Variants in BCAS3 observed in about 807,000 individuals in gnomAD.
The protein encoded by BCAS3 is BCAS4/BCAS3 fusion.
A neutral mutation model predicts 116.1 loss-of-function variants in BCAS3; 53 were observed. The ratio of observed to expected loss-of-function variants is 0.46; its 90% CI spans 0.37 to 0.57. The LOEUF (loss-of-function observed/expected upper bound fraction) is 0.57, where lower values mean the gene tolerates loss of function less well. Ranked by LOEUF, BCAS3 falls within the 20% of genes least tolerant of loss-of-function variation. The pLI is 0.00. For synonymous variants in BCAS3, 391 were observed against 408.2 expected (o/e 0.96, Z 0.51); for missense variants, 917 against 1,165.4 (o/e 0.79, Z 3.10).
chr17:60,915,660 G>A (rs1443281122), intron 12 of BCAS3, among the ~76,000 whole-genome samples: 1 of 140,964 alleles, frequency 7.1e-6, no homozygotes, highest in Non-Finnish European at 1.5e-5. Context: ...TCAGGTTGCA[G>A]CATGTAGTTC....
intron 22 of BCAS3, among the ~76,000 whole-genome samples, chr17:61,172,494 G>A (rs1338962010): frequency 1.3e-5 from 2 of 150,840 alleles, no homozygotes; most frequent in African/African-American, 4.9e-5. Context: ...ATAATTAGCC[G>A]GGCTTAGTGG....
intron 22 of BCAS3, among the ~76,000 whole-genome samples, chr17:61,192,838 T>C (rs1190158120): frequency 3.9e-5 from 6 of 152,358 alleles, no homozygotes; most frequent in Non-Finnish European, 7.3e-5. Context: ...CATATTATAA[T>C]TTACTTACAT....
In BCAS3 at chr17:61,161,772, G is replaced by A. The variant is rs1046749396; in HGVS notation, c.2425+77208G>A. On this transcript the variant is annotated intron_variant, in intron 22 of 23. Transcript: ENST00000407086. The surrounding 1 kb of genome is among the most constrained non-coding windows in gnomAD (Gnocchi z 4.8). ...CCAGTTTCATGGTGCCTGAGTTGCT[G>A]TCTGGTTGGTTGAACTCATTCTCCT... Among the ~76,000 whole-genome samples, 11 of 152,114 alleles carry A rather than the reference G, an allele frequency of 7.2e-5. No homozygotes were observed. Among genetic ancestry groups the A allele is most frequent in the Non-Finnish European group, 2.9e-5 (2 of 68,042 alleles).
intron 22 of BCAS3, among the ~76,000 whole-genome samples, chr17:61,304,278 A>G (rs1313960213): frequency 6.6e-6 from 1 of 152,090 alleles, no homozygotes; most frequent in Non-Finnish European, 1.5e-5. Context: ...CTACCCATCT[A>G]AAGTTGTTGA....
At chr17:61,201,290 G>A (rs1214976230) in intron 22 of BCAS3, among the ~76,000 whole-genome samples, 1 of 152,200 alleles carries the variant, frequency 6.6e-6, no homozygotes, top group African/African-American at 2.4e-5. Flanking sequence ...ACTCACAAGA[G>A]CACTGAAGTG....
chr17:61,231,975 G>C (rs1406259557), intron 22 of BCAS3, among the ~76,000 whole-genome samples: 1 of 151,338 alleles, frequency 6.6e-6, no homozygotes, highest in Non-Finnish European at 1.5e-5. Context: ...GGGAGGCCGA[G>C]GGGGGTGGAT....
At chr17:61,272,561 C>G (rs982934533) in intron 22 of BCAS3, among the ~76,000 whole-genome samples, 1 of 141,434 alleles carries the variant, frequency 7.1e-6, no homozygotes, top group African/African-American at 2.7e-5. Context: ...ATTGCTTGAG[C>G]CCAGGAGGTC....
intron 22 of BCAS3, among the ~76,000 whole-genome samples, chr17:61,240,479 C>T (rs2047416463): frequency 6.6e-6 from 1 of 151,970 alleles, no homozygotes; most frequent in Non-Finnish European, 1.5e-5. Flanking sequence ...GGTGAAACCC[C>T]ATCTCTACTA....
chr17:60,896,235 G>T (rs1046200255), intron 10 of BCAS3, among the ~76,000 whole-genome samples: 8 of 152,202 alleles, frequency 5.3e-5, no homozygotes, highest in African/African-American at 1.9e-4. Flanking sequence ...TAAGGCAAGA[G>T]AACCATTTGG....
At chr17:60,773,287 CTTTTTT>C (rs1210680882) in intron 6 of BCAS3, among the ~76,000 whole-genome samples, 2 of 91,998 alleles carry the variant, frequency 2.2e-5, no homozygotes, top group African/African-American at 9.5e-5. Context: ...TCTTCAGGTC[CTTTTTT>C]TTTTTTTTTT....
Position 61,363,350 on chromosome 17 carries a change from A to C in BCAS3, c.2426-4977A>C, listed in dbSNP as rs1254710016. Reference sequence around the variant, plus strand: ...GTCTTTATACCTTCGGTAGTTGAGCAGGTAAGACTTGAACTCATTCTTAGA... The same window carrying C: ...GTCTTTATACCTTCGGTAGTTGAGCCGGTAAGACTTGAACTCATTCTTAGA... On this transcript the variant is annotated intron_variant, in intron 22 of 23. Transcript: ENST00000407086. This position sits in a 1 kb window ranked among gnomAD's most constrained non-coding sequence, Gnocchi z 4.9. Among the ~76,000 whole-genome samples, 1 of 152,198 alleles carries C rather than the reference A, an allele frequency of 6.6e-6. No homozygotes were observed. The highest frequency in any genetic ancestry group is 1.5e-5 in the Non-Finnish European group (1 of 68,026).
At chr17:61,288,957 T>C (rs1360266335) in intron 22 of BCAS3, among the ~76,000 whole-genome samples, 2 of 152,184 alleles carry the variant, frequency 1.3e-5, no homozygotes, top group Non-Finnish European at 2.9e-5. Context: ...CTATAACCAA[T>C]ACAATGTTTA....
At chr17:60,835,093 A>G (rs1179247521) in intron 7 of BCAS3, among the ~76,000 whole-genome samples, 1 of 151,936 alleles carries the variant, frequency 6.6e-6, no homozygotes, top group East Asian at 1.9e-4. Context: ...TTTGTTATCT[A>G]TCAGAAGAAA....
intron 19 of BCAS3, among the ~76,000 whole-genome samples, chr17:61,046,037 ATATATATAT>A (rs2068228726): frequency 1.6e-4 from 2 of 12,662 alleles, no homozygotes; most frequent in Non-Finnish European, 2.3e-4. Flanking sequence ...ATATATATTT[ATATATATAT>A]AATATATATA....
chr17:61,391,973 G>T lies in BCAS3; in HGVS notation c.2594-4G>T, dbSNP rs745635297. 1.2e-6 allele frequency: 2 copies of T among 1,613,064 alleles called. No individual in the cohort carries two copies. The highest frequency in any genetic ancestry group is 2.2e-5 in the East Asian group (1 of 44,880). ...CAGGCCTGGCCCTCTCCTGTGTCTT[G>T]CAGAACTTCAGCGAGAGGGAAGCAT... On this transcript the variant is annotated splice_polypyrimidine_tract_variant and splice_region_variant and intron_variant, in intron 23 of 23. Coordinates refer to ENST00000407086, the MANE Select transcript of BCAS3 (RefSeq NM_017679.5). This position sits in a 1 kb window ranked among gnomAD's most constrained non-coding sequence, Gnocchi z 7.7.
chr17:61,178,248 A>T (rs552895468), intron 22 of BCAS3, among the ~76,000 whole-genome samples: 1 of 152,208 alleles, frequency 6.6e-6, no homozygotes, highest in African/African-American at 2.4e-5. Context: ...AGTACTTTAA[A>T]CCTTAGACAT....
intron 9 of BCAS3, among the ~76,000 whole-genome samples, chr17:60,882,527 C>A (rs536396670): frequency 6.6e-6 from 1 of 152,210 alleles, no homozygotes; most frequent in East Asian, 1.9e-4. Context: ...ATGCCTATGT[C>A]CTGAATGGTC....
At chr17:61,321,546 T>C (rs1163500522) in intron 22 of BCAS3, among the ~76,000 whole-genome samples, 2 of 152,208 alleles carry the variant, frequency 1.3e-5, no homozygotes, top group African/African-American at 4.8e-5. Context: ...CAGGAAGCAC[T>C]TTCCTCCCTG....
rs1333268003 is a variant in BCAS3, at chr17:61,392,321, C to A, written c.*196C>A. ...AGCACCTCAGCGCACTTGCCCTCTG[C>A]CACACCTGTCGGTGGAGGCTGTGGC... is the stretch of plus-strand genomic sequence containing the variant. On this transcript the variant is annotated 3_prime_UTR_variant, in exon 24 of 24. Coordinates refer to ENST00000407086, the MANE Select transcript of BCAS3 (RefSeq NM_017679.5). The surrounding 1 kb of genome is among the most constrained non-coding windows in gnomAD (Gnocchi z 6.4). 4 of 617,652 alleles carry A rather than the reference C, an allele frequency of 6.5e-6. No individual in the cohort carries two copies. Among genetic ancestry groups the A allele is most frequent in the African/African-American group, 1.9e-5 (1 of 53,894 alleles). 38.3% of individuals were successfully genotyped at this position (617,652 alleles called of 1,614,324 possible). A position where few individuals can be genotyped will look rare whatever the true frequency, so the allele number is the denominator to read the frequency against.
Sources: allele counts gnomAD v4.1 joint callset (sites outside exome capture counted in the v4.1 genomes callset), GRCh38; gene constraint gnomAD v4.1.1; non-coding constraint Gnocchi (gnomAD v3.1); transcripts MANE v1.5; gene names NCBI Gene and HGNC (gene_info 2026-07-23, HGNC 2026-07-21).